Variants in DDX42 observed in about 807,000 individuals in gnomAD.
DDX42 encodes the protein DEAD-box helicase 42.
Under a neutral mutation model 101.5 loss-of-function variants are expected in DDX42, and 22 were observed. The observed-to-expected ratio is 0.22, with a 90% CI of 0.15 to 0.31. The LOEUF (loss-of-function observed/expected upper bound fraction) is 0.31. Ranked by LOEUF, DDX42 falls within the 10% of genes least tolerant of loss-of-function variation. DDX42 has a pLI of 1.00. For synonymous variants in DDX42, 402 were observed against 401.2 expected (o/e 1.00, Z -0.02); for missense variants, 849 against 1,199.9 (o/e 0.71, Z 4.32).
Position 63,818,164 on chromosome 17 carries a change from G to T in DDX42, c.2583G>T (p.Glu861Asp). ...SRHTDGHRHG[E>D]NRHGGSAGRH... ...ATACTGATGGCCATCGGCACGGGGAGAACAGACATGGAGGAAGCGCAGGCC... is the reference window on the plus strand; with the variant it reads ...ATACTGATGGCCATCGGCACGGGGATAACAGACATGGAGGAAGCGCAGGCC... The change falls in exon 18 of 18, where the codon GAG (glutamate) becomes GAT (aspartate). Residue 861 changes from glutamate to aspartate, a missense_variant. Transcript: ENST00000389924. 1 of 1,614,006 alleles carries T rather than the reference G, an allele frequency of 6.2e-7. No individual in the cohort carries two copies. The highest frequency in any genetic ancestry group is 8.5e-7 in the Non-Finnish European group (1 of 1,180,024).
At chr17:63,781,127 C>T (rs2039482857) in intron 1 of DDX42, among the ~76,000 whole-genome samples, 2 of 152,166 alleles carry the variant, frequency 1.3e-5, no homozygotes, top group African/African-American at 4.8e-5. Flanking sequence ...ACTTACTTGC[C>T]AGGTACTCCT....
chr17:63,789,011 T>C (rs912459692), intron 2 of DDX42, among the ~76,000 whole-genome samples: 2 of 152,034 alleles, frequency 1.3e-5, no homozygotes, highest in Non-Finnish European at 2.9e-5. Flanking sequence ...TAAGCAGTTC[T>C]CCCACCTCAG....
At chr17:63,777,814 T>C (rs1438600832) in intron 1 of DDX42, among the ~76,000 whole-genome samples, 2 of 152,178 alleles carry the variant, frequency 1.3e-5, no homozygotes, top group Non-Finnish European at 2.9e-5. Flanking sequence ...AGATATGCTT[T>C]GAAGGATAGG....
intron 15 of DDX42, among the ~76,000 whole-genome samples, chr17:63,813,990 C>T (rs1312669132): frequency 6.6e-6 from 1 of 152,122 alleles, no homozygotes; most frequent in African/African-American, 2.4e-5. Flanking sequence ...CAGGCGCCCA[C>T]CACCACGCCT....
chr17:63,796,576 A>G (rs575049261), intron 3 of DDX42, among the ~76,000 whole-genome samples: 1 of 152,220 alleles, frequency 6.6e-6, no homozygotes, highest in East Asian at 1.9e-4. Context: ...TTGGCCTCCC[A>G]AGGTGCTGGG....
At position 63,775,190 on chromosome 17, in the gene DDX42, G is replaced by A. The variant is rs150186196; in HGVS notation, c.-17+814G>A. The A allele has an allele frequency of 2.0e-5, 3 of 152,764 alleles. 1 individual carries two copies. In the East Asian group the frequency reaches 5.8e-4, roughly 29 times the overall value. 9.5% of individuals were successfully genotyped at this position (152,764 alleles called of 1,614,324 possible). On this transcript the variant is annotated intron_variant, in intron 1 of 17. Coordinates refer to ENST00000389924, the MANE Select transcript of DDX42 (RefSeq NM_203499.3). ...CTGGCACATAAGAGGTGAGCAATGA[G>A]TGTTTCGTACAAAAATTAATGTTTA...
chr17:63,787,565 G>T (rs193030668), intron 2 of DDX42, among the ~76,000 whole-genome samples: 2 of 152,146 alleles, frequency 1.3e-5, no homozygotes, highest in African/African-American at 2.4e-5. Flanking sequence ...GTAGCTGGGC[G>T]TGGTGGCTCA....
In DDX42 at chr17:63,802,805, G is replaced by A. The variant is rs560852818; in HGVS notation, c.621+2188G>A. Among the ~76,000 whole-genome samples, 55 of 151,990 alleles carry A rather than the reference G, an allele frequency of 3.6e-4. 1 individual carries two copies. Among genetic ancestry groups the A allele is most frequent in the African/African-American group, 1.3e-3 (55 of 41,448 alleles). ...CATGCCTGTAATCCCAGCTACTCGGGAGAGTGAGGCAGGAGAGTCACTCAA... is the reference window on the plus strand; with the variant it reads ...CATGCCTGTAATCCCAGCTACTCGGAAGAGTGAGGCAGGAGAGTCACTCAA... On this transcript the variant is annotated intron_variant, in intron 6 of 17. Transcript: ENST00000389924.
rs138747220 is a variant in DDX42 at position 63,818,898 on chromosome 17, A to G, written c.*500A>G. The G allele has an allele frequency of 2.6e-3, 398 of 155,992 alleles. 1 individual carries two copies. The highest frequency in any genetic ancestry group is 9.2e-3 in the African/African-American group (384 of 41,554). The allele number at this position is 155,992 out of a possible 1,614,324, so 9.7% of individuals were successfully genotyped here. ...CATTTGCAGGGAAGGGAGATGTCTG[A>G]TTCTAAATGGGAGTTGATGCTCAGG... On this transcript the variant is annotated 3_prime_UTR_variant, in exon 18 of 18. Transcript: ENST00000389924.
intron 8 of DDX42, among the ~76,000 whole-genome samples, chr17:63,807,442 A>T (rs1191088470): frequency 6.6e-6 from 1 of 152,122 alleles, no homozygotes; most frequent in Non-Finnish European, 1.5e-5. Context: ...CCCGGCCTTG[A>T]TTTTTCATTT....
Position 63,818,378 on chromosome 17 carries a change from A to C in DDX42, c.2797A>C (p.Lys933Gln), listed in dbSNP as rs2040006591. The change falls in exon 18 of 18, where the codon AAA becomes CAA. Residue 933 changes from lysine to glutamine, a missense_variant. By Grantham distance (53) the Lys-to-Gln change is moderately conservative (BLOSUM62 1). Around this residue, in one of 5 missense-constraint regions of DDX42, gnomAD observed 300 missense variants for 304.9 expected, o/e 0.98. Transcript: ENST00000389924. ...TGTCCCAGAGCCGCCTAAACGCAAG[A>C]AAAGTCGATGGGACAGTTAGAGGGG... ...FAVPEPPKRK[K>Q]SRWDS is the part of the protein sequence containing the mutation. 1 of 1,613,596 alleles carries C rather than the reference A, an allele frequency of 6.2e-7. No homozygotes were observed. The highest frequency in any genetic ancestry group is 8.5e-7 in the Non-Finnish European group (1 of 1,179,828).
chr17:63,779,654 A>G (rs2039462208), intron 1 of DDX42, among the ~76,000 whole-genome samples: 2 of 152,168 alleles, frequency 1.3e-5, no homozygotes, highest in Admixed American at 1.3e-4. Context: ...CCCATTAAAC[A>G]ATAACACCCT....
intron 3 of DDX42, among the ~76,000 whole-genome samples, chr17:63,797,267 G>C (rs554314826): frequency 6.7e-6 from 1 of 149,058 alleles, no homozygotes; most frequent in African/African-American, 2.5e-5. Context: ...CAGGAGAATC[G>C]CTTGAACCTG....
At chr17:63,783,098 C>G (rs140159044) in intron 1 of DDX42, among the ~76,000 whole-genome samples, 16 of 152,266 alleles carry the variant, frequency 1.1e-4, no homozygotes, top group South Asian at 6.2e-4. Flanking sequence ...CAGAACACTT[C>G]TATGCCTTTG....
At chr17:63,817,466 A>G (rs139905272) in intron 17 of DDX42, 13 of 506,964 alleles carry the variant, frequency 2.6e-5, no homozygotes, top group Admixed American at 1.3e-4. Context: ...CAATCAGGCT[A>G]TAAAAGTACA....
Position 63,799,664 on chromosome 17 carries a change from C to CCACAAAGTCTA in DDX42, c.471+40_471+50dup, listed in dbSNP as rs781291806. 41 of 1,602,040 alleles carry CCACAAAGTCTA rather than the reference C, an allele frequency of 2.6e-5. No homozygotes were observed. In the East Asian group the frequency reaches 9.2e-4, roughly 36 times the overall value. On this transcript the variant is annotated intron_variant, in intron 5 of 17. Coordinates refer to ENST00000389924, the MANE Select transcript of DDX42 (RefSeq NM_203499.3). ...CAGTATTTCTATCTTTTATTTTTAT[C>CCACAAAGTCTA]CACAAAGTCTATACTGGGGACAAGC...
At chr17:63,787,905 G>GGTT (rs1555571596) in intron 2 of DDX42, among the ~76,000 whole-genome samples, 2 of 107,870 alleles carry the variant, frequency 1.9e-5, no homozygotes, top group African/African-American at 8.4e-5. Context: ...AATTCATGTG[G>GGTT]TTTTTTTTTT....
chr17:63,787,999 A>G (rs1403684823), intron 2 of DDX42, among the ~76,000 whole-genome samples: 1 of 146,436 alleles, frequency 6.8e-6, no homozygotes, highest in Non-Finnish European at 1.5e-5. Context: ...CAACCTCTCG[A>G]GTTCAAGTGA....
chr17:63,799,340 G>A, intron 4 of DDX42: 2 of 395,518 alleles, frequency 5.1e-6, no homozygotes, highest in East Asian at 7.2e-5. Flanking sequence ...TGATATCCTT[G>A]TTGGTAACCG....
Sources: gnomAD v4.1 joint callset for allele counts (sites outside exome capture counted in the v4.1 genomes callset) on GRCh38, gnomAD v4.1.1 for gene constraint, gnomAD v4.1.1 regional missense constraint, MANE v1.5 for transcripts, NCBI Gene and HGNC (gene_info 2026-07-23, HGNC 2026-07-21) for gene names.